Variants in RAD51AP2 observed in about 807,000 individuals in gnomAD.
RAD51AP2 encodes the protein RAD51-associated protein 2.
RAD51AP2 carries 67 observed loss-of-function variants against 85.5 expected under a neutral mutation model. The ratio of observed to expected loss-of-function variants is 0.78; its 90% CI spans 0.64 to 0.96. The LOEUF (loss-of-function observed/expected upper bound fraction) is 0.96. RAD51AP2 is among the 40% of genes least tolerant of loss of function. RAD51AP2 has a pLI of 0.00. For missense variants in RAD51AP2, 1,307 were observed against 1,332.4 expected (o/e 0.98, Z 0.30); for synonymous variants, 474 against 446.5 (o/e 1.06, Z -0.78).
chr2:17,514,543 G>GT (rs997665824), intron 1 of RAD51AP2, among the ~76,000 whole-genome samples: 1 of 151,188 alleles, frequency 6.6e-6, no homozygotes. Context: ...CGGCGGGGGG[G>GT]GTGGATCACA....
At chr2:17,527,814 A>C in the RAD51AP2 span, among the ~76,000 whole-genome samples, 1 of 152,202 alleles carries the variant, frequency 6.6e-6, no homozygotes, top group Non-Finnish European at 1.5e-5. Flanking sequence ...ATTGCTCTAG[A>C]CTGCTAGTTG....
At chr2:17,529,038 C>A in the RAD51AP2 span, among the ~76,000 whole-genome samples, 1 of 152,096 alleles carries the variant, frequency 6.6e-6, no homozygotes, top group Non-Finnish European at 1.5e-5. Context: ...AATTCCCTGT[C>A]AAGTCTTATG....
At chr2:17,527,370 G>A in the RAD51AP2 span, among the ~76,000 whole-genome samples, 24 of 151,838 alleles carry the variant, frequency 1.6e-4, no homozygotes, top group Admixed American at 5.3e-4. Context: ...CAAAGCTAAG[G>A]AAAGGTGGAC....
the RAD51AP2 span, among the ~76,000 whole-genome samples, chr2:17,527,400 A>G: frequency 0.029 from 4,471 of 152,242 alleles, 65 homozygotes; most frequent in Middle Eastern, 0.054. Flanking sequence ...CAGACAAGAC[A>G]ATATTTGTGT....
At chr2:17,534,555 CT>C in the RAD51AP2 span, among the ~76,000 whole-genome samples, 19 of 147,766 alleles carry the variant, frequency 1.3e-4, no homozygotes, top group Non-Finnish European at 1.7e-4. Context: ...TCTTCTTCTT[CT>C]TTTTTTTTTA....
At chr2:17,511,037 A>C (rs1662479568) in intron 2 of RAD51AP2, 82 bp from the exon 3 acceptor site, 1 of 832,532 alleles carries the variant, frequency 1.2e-6, no homozygotes. Flanking sequence ...TGATATTAGC[A>C]ACTTTTACTG....
the RAD51AP2 span, among the ~76,000 whole-genome samples, chr2:17,528,612 G>A: frequency 2.0e-5 from 3 of 152,246 alleles, no homozygotes; most frequent in Admixed American, 6.5e-5. Flanking sequence ...GGAAGTCAAG[G>A]AAGGAGGATC....
At position 17,516,640 on chromosome 2, in the gene RAD51AP2, G is replaced by C. The variant is rs1266358802; in HGVS notation, c.1776C>G (p.Asp592Glu). ...TNIAFLLNNF[D>E]SLTRIENDFE... ...AATCATTTTCAATTCTTGTTAAAGA[G>C]TCAAAGTTATTGAGCAAAAAAGCTA... Residue 592 changes from aspartate to glutamate, a missense_variant, in exon 1 of 3, where the codon GAC becomes GAG. By Grantham distance (45) the Asp-to-Glu change is conservative (BLOSUM62 2). Transcript: ENST00000399080. 6 of 1,573,044 alleles carry C rather than the reference G, an allele frequency of 3.8e-6. No individual in the cohort carries two copies. In the East Asian group the frequency reaches 1.4e-4, roughly 35 times the overall value.
At chr2:17,530,506 A>G in the RAD51AP2 span, among the ~76,000 whole-genome samples, 1 of 146,334 alleles carries the variant, frequency 6.8e-6, no homozygotes, top group Non-Finnish European at 1.5e-5. Flanking sequence ...ACTTGAGCCC[A>G]AGAGGTTGAG....
chr2:17,517,449 A>T lies in RAD51AP2; in HGVS notation c.967T>A (p.Phe323Ile). ...TAGTCATTTTCATAACATTTGGAAA[A>T]AATGTTTTCCGCTTCTACAGTTTTT... ...DKKTVEAENI[F>I]SKCYENDYPS... The change falls in exon 1 of 3, where the codon TTT (phenylalanine) becomes ATT (isoleucine). Residue 323 changes from phenylalanine to isoleucine, a missense_variant. Physicochemically the swap from Phe to Ile is conservative, Grantham distance 21. This residue lies in a region of RAD51AP2 where 635 missense variants were observed against 643.6 expected (regional missense o/e 0.99). Transcript: ENST00000399080. The T allele has an allele frequency of 6.2e-7, 1 of 1,613,932 alleles. No individual in the cohort carries two copies. The highest frequency in any genetic ancestry group is 1.1e-5 in the South Asian group (1 of 91,082).
chr2:17,529,258 A>T, the RAD51AP2 span, among the ~76,000 whole-genome samples: 9 of 149,776 alleles, frequency 6.0e-5, no homozygotes, highest in East Asian at 1.9e-4. Context: ...CTAATAATAA[A>T]AAATAAATAA....
At chr2:17,528,748 G>A in the RAD51AP2 span, among the ~76,000 whole-genome samples, 1 of 152,150 alleles carries the variant, frequency 6.6e-6, no homozygotes, top group Non-Finnish European at 1.5e-5. Context: ...GAGGCTGAAG[G>A]GGAGGATTGC....
At position 17,518,053 on chromosome 2, in the gene RAD51AP2, T is replaced by C. The variant is rs1306912515; in HGVS notation, c.363A>G (p.Gln121=). The part of the protein sequence containing the change: ...MSSCLQSPPS[Q]SPDSDLRASG... Reference sequence around the variant, plus strand: ...AAGCCCTCAAATCAGAATCAGGACTTTGTGAGGGGGGAGACTGCAAACAGC... The same window carrying C: ...AAGCCCTCAAATCAGAATCAGGACTCTGTGAGGGGGGAGACTGCAAACAGC... Residue 121 remains glutamine (Q), a synonymous_variant, in exon 1 of 3, where the codon CAA becomes CAG. Coordinates refer to ENST00000399080, the MANE Select transcript of RAD51AP2 (RefSeq NM_001099218.3). 1 of 1,614,092 alleles carries C rather than the reference T, an allele frequency of 6.2e-7. No individual in the cohort carries two copies. Among genetic ancestry groups the C allele is most frequent in the Non-Finnish European group, 8.5e-7 (1 of 1,180,008 alleles).
In RAD51AP2 at chr2:17,515,456, A is replaced by C; in HGVS notation, c.2960T>G (p.Leu987Arg). ...ATTGTTTGTTTCCACAGTGCTTAGA[A>C]GTTCATTTTCCCTACTAATTTCATG... is the stretch of plus-strand genomic sequence containing the variant. ...MFHEISRENE[L>R]LSTVETNNGQ... The change falls in exon 1 of 3, where the codon CTT becomes CGT. Residue 987 changes from leucine (L) to arginine (R), a missense_variant. This residue lies in a region of RAD51AP2 where 668 missense variants were observed against 671.0 expected (regional missense o/e 1.00). Transcript: ENST00000399080. 6.2e-7 allele frequency: 1 copy of C among 1,613,618 alleles called. No individual in the cohort carries two copies. The highest frequency in any genetic ancestry group is 8.5e-7 in the Non-Finnish European group (1 of 1,179,856).
In RAD51AP2 at chr2:17,510,833, A is replaced by G. The variant is rs1163416617; in HGVS notation, c.3451T>C (p.Cys1151Arg). Reference protein sequence around the residue: ...KQLHPYLKQMCYGNLKENF With the variant: ...KQLHPYLKQMRYGNLKENF Reference sequence around the variant, plus strand: ...AAATTTTCTTTTAAGTTTCCGTAACACATTTGTTTCAGATAAGGATGAAGT... The same window carrying G: ...AAATTTTCTTTTAAGTTTCCGTAACGCATTTGTTTCAGATAAGGATGAAGT... Residue 1151 changes from cysteine (C) to arginine (R), a missense_variant, in exon 3 of 3, where the codon TGT becomes CGT. This residue lies in a region of RAD51AP2 where 668 missense variants were observed against 671.0 expected (regional missense o/e 1.00). Coordinates refer to ENST00000399080, the MANE Select transcript of RAD51AP2 (RefSeq NM_001099218.3). 6.3e-7 allele frequency: 1 copy of G among 1,592,198 alleles called. No homozygotes were observed. Among genetic ancestry groups the G allele is most frequent in the Non-Finnish European group, 8.6e-7 (1 of 1,168,912 alleles).
upstream of RAD51AP2, among the ~76,000 whole-genome samples, chr2:17,520,279 A>G (rs1267930968): frequency 1.3e-5 from 2 of 152,158 alleles, no homozygotes; most frequent in South Asian, 2.1e-4. Context: ...AACAATGGCT[A>G]TTGAAACCAC....
chr2:17,516,822 A>C lies in RAD51AP2; in HGVS notation c.1594T>G (p.Cys532Gly). The change falls in exon 1 of 3, where the codon TGC becomes GGC. Residue 532 changes from cysteine to glycine, a missense_variant. This residue lies in a region of RAD51AP2 where 635 missense variants were observed against 643.6 expected (regional missense o/e 0.99). Coordinates refer to ENST00000399080, the MANE Select transcript of RAD51AP2 (RefSeq NM_001099218.3). Reference sequence around the variant, plus strand: ...TTTTTACACTTCAAAATGTTACAGCAGGTTAAAATACTATTATCTTTTTTA... The same window carrying C: ...TTTTTACACTTCAAAATGTTACAGCCGGTTAAAATACTATTATCTTTTTTA... Reference protein sequence around the residue: ...GNKKDNSILTCCNILKCKKQI... With the variant: ...GNKKDNSILTGCNILKCKKQI... 1 of 1,544,614 alleles carries C rather than the reference A, an allele frequency of 6.5e-7. No homozygotes were observed. Among genetic ancestry groups the C allele is most frequent in the African/African-American group, 1.4e-5 (1 of 71,778 alleles).
At position 17,515,613 on chromosome 2, in the gene RAD51AP2, G is replaced by T; in HGVS notation, c.2803C>A (p.Leu935Met). The T allele has an allele frequency of 6.2e-7, 1 of 1,611,464 alleles. No individual in the cohort carries two copies. The highest frequency in any genetic ancestry group is 1.1e-5 in the South Asian group (1 of 90,298). Residue 935 changes from leucine (L) to methionine (M), a missense_variant, in exon 1 of 3, where the codon CTG (leucine) becomes ATG (methionine). Physicochemically the swap from Leu to Met is conservative, Grantham distance 15 (BLOSUM62 2). Transcript: ENST00000399080. ...LYINHQFETG[L>M]SEGNDECFQD... ...AAACATTCATCATTCCCTTCACTCAGACCAGTTTCAAATTGATGATTAATA... is the reference window on the plus strand; with the variant it reads ...AAACATTCATCATTCCCTTCACTCATACCAGTTTCAAATTGATGATTAATA...
Position 17,516,173 on chromosome 2 carries a change from T to C in RAD51AP2, c.2243A>G (p.Tyr748Cys), listed in dbSNP as rs372692445. The change falls in exon 1 of 3, where the codon TAC becomes TGC. Residue 748 changes from tyrosine to cysteine, a missense_variant. By Grantham distance (194) the Tyr-to-Cys change is radical. Transcript: ENST00000399080. ...TACTTCATAAAAATTTTCATTAATG[T>C]ATCCTCGGTTGTTCTGTATAAATTG... ...CPQFIQNNRGYINENFYEVNM... is the reference protein window; with the variant it reads ...CPQFIQNNRGCINENFYEVNM... 3.1e-6 allele frequency: 5 copies of C among 1,613,210 alleles called. No homozygotes were observed. In the African/African-American group the frequency reaches 6.7e-5, roughly 22 times the overall value.
Sources: gnomAD v4.1 joint callset for allele counts (sites outside exome capture counted in the v4.1 genomes callset) on GRCh38, gnomAD v4.1.1 for gene constraint, gnomAD v4.1.1 regional missense constraint, MANE v1.5 for transcripts, NCBI Gene and HGNC (gene_info 2026-07-23, HGNC 2026-07-21) for gene names.